The following KCNQ3 variants were observed in gnomAD, a reference collection of about 807,000 sequenced individuals.
KCNQ3 encodes potassium voltage-gated channel subfamily KQT member 3.
Under a neutral mutation model 92.5 loss-of-function variants are expected in KCNQ3, and 30 were observed. That is an observed-to-expected ratio of 0.32 (90% CI 0.24 to 0.44). The LOEUF (loss-of-function observed/expected upper bound fraction) is 0.44. Among genes scored for constraint, KCNQ3 ranks in the 20% least tolerant of loss-of-function variants. The pLI is 1.00. For synonymous variants in KCNQ3, 450 were observed against 468.8 expected, an observed-to-expected ratio of 0.96 and a Z score of 0.52; for missense variants, 913 against 1,140.3, an observed-to-expected ratio of 0.80 and a Z score of 2.87.
chr8:132,353,794 A>G (rs1215474478), intron 1 of KCNQ3, among the ~76,000 whole-genome samples: 3 of 152,188 alleles, frequency 2.0e-5, no homozygotes. Flanking sequence ...AGCCTAGGTG[A>G]CAGAGTGAGA....
chr8:132,131,240 G>A (rs1361088560), intron 14 of KCNQ3, among the ~76,000 whole-genome samples: 5 of 152,164 alleles, frequency 3.3e-5, no homozygotes, highest in African/African-American at 7.2e-5. Context: ...TCTCCTGCAC[G>A]GGTCCCATTT....
chr8:132,317,243 A>T (rs1181210859), intron 1 of KCNQ3, among the ~76,000 whole-genome samples: 2 of 152,170 alleles, frequency 1.3e-5, no homozygotes, highest in African/African-American at 4.8e-5. Flanking sequence ...TGTTAAAAAT[A>T]GTTGTAAGGT....
Position 132,398,358 on chromosome 8 carries a change from A to G in KCNQ3, c.386+81789T>C, listed in dbSNP as rs1420124404. On this transcript the variant is annotated intron_variant, in intron 1 of 14. Transcript: ENST00000388996. ...TGCTTTTGCATTTTATATATTTTAT[A>G]TATTTTTTGAAAATGCTTTATAGAA... is the stretch of plus-strand genomic sequence containing the variant. Among the ~76,000 whole-genome samples, 5 of 152,070 alleles carry G rather than the reference A, an allele frequency of 3.3e-5. No homozygotes were observed. In the South Asian group the frequency reaches 6.2e-4, roughly 19 times the overall value.
intron 1 of KCNQ3, among the ~76,000 whole-genome samples, chr8:132,300,538 G>C (rs1052507925): frequency 3.3e-5 from 5 of 152,152 alleles, no homozygotes; most frequent in African/African-American, 1.2e-4. Context: ...TGAGATGGCA[G>C]CGGGAAGTCC....
intron 1 of KCNQ3, among the ~76,000 whole-genome samples, chr8:132,291,260 T>C (rs1457782): frequency 0.59 from 89,348 of 151,986 alleles, 27,273 homozygotes; most frequent in East Asian, 0.82. Context: ...CCTTCCTCAT[T>C]TTAAACACCA....
At chr8:132,184,191 C>T in intron 3 of KCNQ3, 50 bp downstream of exon 3, 1 of 1,612,568 alleles carries the variant, frequency 6.2e-7, no homozygotes, top group Non-Finnish European at 8.5e-7. Flanking sequence ...GAAACAATGC[C>T]CCAAAAGAAG....
intron 1 of KCNQ3, among the ~76,000 whole-genome samples, chr8:132,290,355 T>G (rs779442711): frequency 6.6e-6 from 1 of 152,176 alleles, no homozygotes; most frequent in Non-Finnish European, 1.5e-5. Context: ...GCTGCTTATA[T>G]GTATTGGTAA....
chr8:132,398,253 C>T (rs2597353), intron 1 of KCNQ3, among the ~76,000 whole-genome samples: 14,549 of 152,162 alleles, frequency 0.096, 813 homozygotes, highest in Admixed American at 0.18. Context: ...ATCTCTCCCC[C>T]TCTTCAACTA....
intron 1 of KCNQ3, among the ~76,000 whole-genome samples, chr8:132,323,351 C>G (rs1817949078): frequency 6.6e-6 from 1 of 152,220 alleles, no homozygotes; most frequent in Non-Finnish European, 1.5e-5. Flanking sequence ...CAAAGTTTTA[C>G]TGGAAGACGG....
intron 1 of KCNQ3, among the ~76,000 whole-genome samples, chr8:132,404,281 C>T (rs1361999387): frequency 6.6e-6 from 1 of 152,204 alleles, no homozygotes; most frequent in African/African-American, 2.4e-5. Context: ...GTCTCAGACA[C>T]CCCTCTCTCT....
At chr8:132,150,054 A>G (rs1280375694) in intron 9 of KCNQ3, among the ~76,000 whole-genome samples, 1 of 149,510 alleles carries the variant, frequency 6.7e-6, no homozygotes, top group African/African-American at 2.5e-5. Context: ...CCCTGTCAGC[A>G]GACGACTTTT....
intron 1 of KCNQ3, among the ~76,000 whole-genome samples, chr8:132,467,827 A>G (rs1822207860): frequency 6.6e-6 from 1 of 152,228 alleles, no homozygotes; most frequent in Non-Finnish European, 1.5e-5. Flanking sequence ...GCAGCTGTGA[A>G]GCCAGAGGAA....
At chr8:132,336,689 G>C (rs953406314) in intron 1 of KCNQ3, among the ~76,000 whole-genome samples, 1 of 152,174 alleles carries the variant, frequency 6.6e-6, no homozygotes, top group Non-Finnish European at 1.5e-5. Flanking sequence ...GTAGTTTATA[G>C]TGCTCACTCC....
intron 1 of KCNQ3, among the ~76,000 whole-genome samples, chr8:132,337,602 A>G (rs1044059897): frequency 6.6e-5 from 10 of 152,334 alleles, no homozygotes; most frequent in African/African-American, 2.4e-4. Context: ...AACAGGTCAC[A>G]TGTTGATTAA....
intron 1 of KCNQ3, among the ~76,000 whole-genome samples, chr8:132,257,281 CTATT>C (rs1194629102): frequency 6.6e-6 from 1 of 152,010 alleles, no homozygotes; most frequent in East Asian, 1.9e-4. Context: ...ACTAGACAAT[CTATT>C]TAATACAAAA....
At chr8:132,400,591 C>G (rs1297253588) in intron 1 of KCNQ3, among the ~76,000 whole-genome samples, 1 of 152,226 alleles carries the variant, frequency 6.6e-6, no homozygotes, top group South Asian at 2.1e-4. Context: ...TCCAGCCAGG[C>G]TTCTGAGGAA....
At chr8:132,310,438 C>A (rs538332444) in intron 1 of KCNQ3, among the ~76,000 whole-genome samples, 1 of 152,206 alleles carries the variant, frequency 6.6e-6, no homozygotes, top group Non-Finnish European at 1.5e-5. Context: ...TGCAGGAGTG[C>A]GGGGCAAAGC....
intron 1 of KCNQ3, among the ~76,000 whole-genome samples, chr8:132,186,837 T>C (rs979655534): frequency 1.3e-5 from 2 of 152,120 alleles, no homozygotes; most frequent in African/African-American, 4.8e-5. Context: ...ACCTGGTTCA[T>C]GACCAGGCTC....
At chr8:132,298,302 C>T (rs1429240722) in intron 1 of KCNQ3, among the ~76,000 whole-genome samples, 1 of 152,172 alleles carries the variant, frequency 6.6e-6, no homozygotes, top group East Asian at 1.9e-4. Flanking sequence ...AAACAGACCA[C>T]TATACTCCTG....
Sources: allele counts gnomAD v4.1 joint callset (sites outside exome capture counted in the v4.1 genomes callset), GRCh38; gene constraint gnomAD v4.1.1; transcripts MANE v1.5; gene names NCBI Gene and HGNC (gene_info 2026-07-23, HGNC 2026-07-21).